The following OTUD4 variants were observed in gnomAD, a reference collection of about 807,000 sequenced individuals.
The protein encoded by OTUD4 is OTU deubiquitinase 4.
Under a neutral mutation model 130.4 loss-of-function variants are expected in OTUD4, and 24 were observed. That is an observed-to-expected ratio of 0.18 (90% CI 0.13 to 0.26). The LOEUF is 0.26. OTUD4 is among the 10% of genes least tolerant of loss of function. OTUD4 has a pLI of 1.00. For synonymous variants in OTUD4, 420 were observed against 472.5 expected (o/e 0.89, Z 1.44); for missense variants, 1,031 against 1,329.4 (o/e 0.78, Z 3.49).
At chr4:145,141,018 T>C (rs1239784193) in intron 19 of OTUD4, among the ~76,000 whole-genome samples, 2 of 151,478 alleles carry the variant, frequency 1.3e-5, no homozygotes. Flanking sequence ...TACAAAAAAT[T>C]AGCCAGGCCT....
At chr4:145,152,462 C>G (rs1359469666) in intron 11 of OTUD4, 79 bp downstream of exon 11, 2 of 784,654 alleles carry the variant, frequency 2.5e-6, no homozygotes, top group Non-Finnish European at 4.3e-6. Flanking sequence ...TTTGCAAATA[C>G]TGAAGGCCAT....
At chr4:145,175,736 G>T (rs1406971880) in intron 1 of OTUD4, among the ~76,000 whole-genome samples, 1 of 151,686 alleles carries the variant, frequency 6.6e-6, no homozygotes, top group African/African-American at 2.4e-5. Context: ...GTAGAGACAG[G>T]GTTTCACCAT....
chr4:145,163,448 A>T, intron 5 of OTUD4, among the ~76,000 whole-genome samples: 1 of 152,210 alleles, frequency 6.6e-6, no homozygotes, highest in African/African-American at 2.4e-5. Context: ...CACCCTTGTG[A>T]GTAAAATTTA....
intron 8 of OTUD4, 69 bp from the exon 9 acceptor site, chr4:145,155,755 A>G: frequency 8.9e-7 from 1 of 1,124,800 alleles, no homozygotes. Flanking sequence ...AGATACACGT[A>G]AAACTAAAGT....
At chr4:145,151,747 T>C (rs984350254) in intron 11 of OTUD4, among the ~76,000 whole-genome samples, 12 of 152,198 alleles carry the variant, frequency 7.9e-5, no homozygotes, top group African/African-American at 2.9e-4. Flanking sequence ...ATTCTTAATT[T>C]GTATATGTTT....
intron 1 of OTUD4, 43 bp downstream of exon 1, chr4:145,179,772 T>C (rs1752603337): frequency 5.3e-5 from 42 of 788,308 alleles, no homozygotes; most frequent in South Asian, 2.0e-4. Context: ...CGCCGGGCCG[T>C]CCCCGCCTCC....
Position 145,138,015 on chromosome 4 carries a change from T to G in OTUD4, c.2760A>C (p.Val920=), listed in dbSNP as rs755853813. The G allele has an allele frequency of 6.2e-7, 1 of 1,613,942 alleles. No homozygotes were observed. The highest frequency in any genetic ancestry group is 1.1e-5 in the South Asian group (1 of 91,084). The part of the protein sequence containing the change: ...DEFPEARGEH[V]HSLPEASVSS... ...TCACACTTGCTTCAGGGAGAGAATG[T>G]ACATGTTCACCCCTGGCTTCTGGAA... Residue 920 remains valine, a synonymous_variant, in exon 21 of 21, where the codon GTA becomes GTC. Coordinates refer to ENST00000447906, the MANE Select transcript of OTUD4 (RefSeq NM_001366057.1).
intron 1 of OTUD4, chr4:145,178,144 T>G (rs1752515038): frequency 6.6e-6 from 1 of 152,000 alleles, no homozygotes; most frequent in African/African-American, 2.4e-5. Flanking sequence ...TAACAAAGAG[T>G]TCTTAGTGTA....
intron 14 of OTUD4, 83 bp downstream of exon 14, chr4:145,146,184 C>T: frequency 4.8e-6 from 4 of 828,154 alleles, no homozygotes; most frequent in South Asian, 3.4e-5. Context: ...ATTAGTTTAC[C>T]CTTGGGAACT....
Position 145,137,520 on chromosome 4 carries a change from A to G in OTUD4, c.3255T>C (p.Tyr1085=), listed in dbSNP as rs1174085502. ...GCCCTCTGACATTTCGATGGTACTG[A>G]TAACCTTCATCCCGACTTCTGCTTG... ...GQPSRSRDEG[Y]QYHRNVRGRP... The change falls in exon 21 of 21, where the codon TAT becomes TAC. Residue 1085 remains tyrosine, a synonymous_variant. Transcript: ENST00000447906. 1.9e-6 allele frequency: 3 copies of G among 1,612,110 alleles called. No homozygotes were observed. Among genetic ancestry groups the G allele is most frequent in the Admixed American group, 1.7e-5 (1 of 59,932 alleles).
chr4:145,144,504 A>G (rs1750730299), intron 14 of OTUD4, 70 bp from the exon 15 acceptor site: 1 of 1,422,852 alleles, frequency 7.0e-7, no homozygotes. Flanking sequence ...AAATTCTGTA[A>G]TTAATCTCAC....
chr4:145,159,467 G>A (rs1751450272), intron 7 of OTUD4, 36 bp downstream of exon 7: 2 of 1,610,224 alleles, frequency 1.2e-6, no homozygotes, highest in South Asian at 1.1e-5. Context: ...TTCCTTGTAT[G>A]GCACTAAGAA....
At position 145,141,643 on chromosome 4, in the gene OTUD4, CAA is replaced by C; in HGVS notation, c.1823-6_1823-5del. ...ACGGGAATTGGAGCAGGGACACCTA[CAA>C]AAGAGAAGAAAAGGAATCAAAATGA... On this transcript the variant is annotated splice_region_variant and splice_polypyrimidine_tract_variant and intron_variant, in intron 18 of 20. Coordinates refer to ENST00000447906, the MANE Select transcript of OTUD4 (RefSeq NM_001366057.1). 6.6e-7 allele frequency: 1 copy of C among 1,511,250 alleles called. No individual in the cohort carries two copies. Among genetic ancestry groups the C allele is most frequent in the Non-Finnish European group, 8.8e-7 (1 of 1,131,494 alleles). The allele number at this position is 1,511,250 out of a possible 1,614,324, so 93.6% of individuals were successfully genotyped here.
chr4:145,148,147 T>C (rs1750906183), intron 13 of OTUD4, among the ~76,000 whole-genome samples: 1 of 152,158 alleles, frequency 6.6e-6, no homozygotes, highest in Non-Finnish European at 1.5e-5. Context: ...CACATATAGC[T>C]AACACATAAA....
At chr4:145,158,160 T>G (rs1751383586) in intron 7 of OTUD4, among the ~76,000 whole-genome samples, 1 of 152,184 alleles carries the variant, frequency 6.6e-6, no homozygotes, top group African/African-American at 2.4e-5. Context: ...ATCAGAAAAT[T>G]TTAATTCAAT....
chr4:145,172,873 G>C (rs1752245790), intron 2 of OTUD4, among the ~76,000 whole-genome samples: 1 of 151,948 alleles, frequency 6.6e-6, no homozygotes, highest in South Asian at 2.1e-4. Context: ...AAAGTTACTA[G>C]AGACTGCAGA....
Position 145,179,545 on chromosome 4 carries a change from G to C in OTUD4, c.159+270C>G. 3 of 1,166,094 alleles carry C rather than the reference G, an allele frequency of 2.6e-6. No individual in the cohort carries two copies. In the South Asian group the frequency reaches 5.7e-5, roughly 22 times the overall value. 72.2% of individuals were successfully genotyped at this position (1,166,094 alleles called of 1,614,324 possible). A position where few individuals can be genotyped will look rare whatever the true frequency, so the allele number is the denominator to read the frequency against. On this transcript the variant is annotated intron_variant, in intron 1 of 20. Coordinates refer to ENST00000447906, the MANE Select transcript of OTUD4 (RefSeq NM_001366057.1). ...GCAATAAATCAACTGTACAAGCTCC[G>C]AGCAGGCCTCACAAGTTGTCCTCAA...
At chr4:145,159,674 C>T (rs772282714) in intron 6 of OTUD4, 39 bp from the exon 7 acceptor site, 4 of 1,602,324 alleles carry the variant, frequency 2.5e-6, no homozygotes, top group Non-Finnish European at 3.4e-6. Flanking sequence ...ACATTAACTA[C>T]AGGCAGTTTT....
intron 5 of OTUD4, among the ~76,000 whole-genome samples, chr4:145,163,867 C>T (rs886149212): frequency 1.3e-5 from 2 of 151,880 alleles, no homozygotes; most frequent in African/African-American, 2.4e-5. Context: ...CCACCACGCC[C>T]GGCTAATTTT....
Sources: gnomAD v4.1 joint callset for allele counts (sites outside exome capture counted in the v4.1 genomes callset) on GRCh38, gnomAD v4.1.1 for gene constraint, MANE v1.5 for transcripts, NCBI Gene and HGNC (gene_info 2026-07-23, HGNC 2026-07-21) for gene names.